Variants in DENND1A observed in about 807,000 individuals in gnomAD.
DENND1A encodes the protein DENN domain-containing protein 1A.
Under a neutral mutation model 113.7 loss-of-function variants are expected in DENND1A, and 51 were observed. That is an observed-to-expected ratio of 0.45 (90% CI 0.36 to 0.57). The LOEUF (loss-of-function observed/expected upper bound fraction) is 0.57. DENND1A is among the 20% of genes least tolerant of loss of function. DENND1A has a pLI of 0.00. For synonymous variants in DENND1A, 565 were observed against 570.8 expected, an observed-to-expected ratio of 0.99 and a Z score of 0.14; for missense variants, 1,258 against 1,395.9, an observed-to-expected ratio of 0.90 and a Z score of 1.57.
At chr9:123,486,074 G>C (rs2050836416) in intron 13 of DENND1A, among the ~76,000 whole-genome samples, 1 of 152,190 alleles carries the variant, frequency 6.6e-6, no homozygotes, top group Admixed American at 6.5e-5. Context: ...GAAGAGAAGA[G>C]ATCGATGGAT....
intron 3 of DENND1A, among the ~76,000 whole-genome samples, chr9:123,787,848 A>T (rs1366734847): frequency 6.6e-6 from 1 of 152,208 alleles, no homozygotes; most frequent in East Asian, 1.9e-4. Context: ...TACAAGAAAC[A>T]CTGTTAGTTT....
chr9:123,877,080 A>C (rs552084077), intron 2 of DENND1A, among the ~76,000 whole-genome samples: 9 of 152,304 alleles, frequency 5.9e-5, no homozygotes, highest in African/African-American at 1.7e-4. Flanking sequence ...AAATTACTTA[A>C]TGGGTACAAT....
At chr9:123,643,450 T>C (rs1360835522) in intron 9 of DENND1A, among the ~76,000 whole-genome samples, 2 of 152,246 alleles carry the variant, frequency 1.3e-5, no homozygotes, top group Non-Finnish European at 2.9e-5. Context: ...TAACTGGATA[T>C]TCTTAGTTGT....
chr9:123,737,023 T>C (rs1193750956), intron 5 of DENND1A, among the ~76,000 whole-genome samples: 1 of 152,226 alleles, frequency 6.6e-6, no homozygotes, highest in East Asian at 1.9e-4. Flanking sequence ...TTCGGTATTT[T>C]TTAAGACAAA....
At chr9:123,605,813 T>C (rs1427862517) in intron 11 of DENND1A, among the ~76,000 whole-genome samples, 2 of 152,238 alleles carry the variant, frequency 1.3e-5, no homozygotes, top group Non-Finnish European at 2.9e-5. Context: ...GTCATAAAAA[T>C]GGTTAAAAAG....
chr9:123,693,990 G>A (rs374879812), intron 5 of DENND1A, among the ~76,000 whole-genome samples: 3 of 151,276 alleles, frequency 2.0e-5, no homozygotes, highest in African/African-American at 7.3e-5. Flanking sequence ...ACCGCACCCG[G>A]CTAAATTTTG....
At chr9:123,551,401 G>A (rs978842364) in intron 13 of DENND1A, among the ~76,000 whole-genome samples, 4 of 152,138 alleles carry the variant, frequency 2.6e-5, no homozygotes, top group Admixed American at 6.5e-5. Flanking sequence ...ACGGTGCCAC[G>A]ACCTGTGCCT....
intron 13 of DENND1A, among the ~76,000 whole-genome samples, chr9:123,475,079 C>T (rs926075984): frequency 6.6e-6 from 1 of 151,968 alleles, no homozygotes; most frequent in Admixed American, 6.6e-5. Flanking sequence ...AGTGCAGTGG[C>T]CCGATCTCAG....
chr9:123,656,540 G>A (rs1309149805), intron 8 of DENND1A, among the ~76,000 whole-genome samples: 1 of 151,898 alleles, frequency 6.6e-6, no homozygotes, highest in Non-Finnish European at 1.5e-5. Flanking sequence ...GGGGAGGGAA[G>A]GAGAAAAAAA....
Position 123,381,261 on chromosome 9 carries a change from G to A in DENND1A, c.*171C>T. On this transcript the variant is annotated 3_prime_UTR_variant, in exon 24 of 24. Transcript: ENST00000394215. The surrounding 1 kb of genome is among the most constrained non-coding windows in gnomAD (Gnocchi z 4.7). ...GCTGGAACTGGTGCCATTCCCCAGG[G>A]CCAGACATCAGAGATGGGCAGTGTG... The A allele has an allele frequency of 1.5e-6, 1 of 664,280 alleles. No homozygotes were observed. Among genetic ancestry groups the A allele is most frequent in the Middle Eastern group, 4.1e-4 (1 of 2,422 alleles). 41.1% of individuals were successfully genotyped at this position (664,280 alleles called of 1,614,324 possible). A position where few individuals can be genotyped will look rare whatever the true frequency, so the allele number is the denominator to read the frequency against.
intron 18 of DENND1A, among the ~76,000 whole-genome samples, chr9:123,447,091 T>C (rs1222634964): frequency 1.3e-5 from 2 of 152,202 alleles, no homozygotes; most frequent in Non-Finnish European, 2.9e-5. Context: ...TTGACAGTCA[T>C]GAGCCCATCC....
rs74870565 is a variant in DENND1A, at chr9:123,530,727, C to T, written c.993+26843G>A. ...CTTTATCTGCAGGGGATGTGTTCCA[C>T]GACCCTCAGTGTATACCTGAAACTG... On this transcript the variant is annotated intron_variant, in intron 13 of 23. Coordinates refer to ENST00000394215, the MANE Select transcript of DENND1A (RefSeq NM_001352964.2). Among the ~76,000 whole-genome samples the T allele has an allele frequency of 4.6e-5, 7 of 152,238 alleles. No homozygotes were observed. In the South Asian group the frequency reaches 6.2e-4, roughly 14 times the overall value.
chr9:123,686,257 GAAGT>G (rs755608944), intron 5 of DENND1A, among the ~76,000 whole-genome samples: 1 of 152,212 alleles, frequency 6.6e-6, no homozygotes, highest in Non-Finnish European at 1.5e-5. Flanking sequence ...GTAGAGAAAT[GAAGT>G]AATTTCCCTA....
chr9:123,642,896 TG>T (rs2062103648), intron 9 of DENND1A, among the ~76,000 whole-genome samples: 2 of 152,228 alleles, frequency 1.3e-5, no homozygotes. Context: ...TCACACAGGC[TG>T]GCGTCAACAT....
At chr9:123,781,907 T>C (rs1157902995) in intron 3 of DENND1A, among the ~76,000 whole-genome samples, 1 of 151,954 alleles carries the variant, frequency 6.6e-6, no homozygotes, top group Non-Finnish European at 1.5e-5. Flanking sequence ...CTGTCTCTAC[T>C]AAAAATTCAA....
At chr9:123,560,863 G>A (rs1436317868) in intron 12 of DENND1A, among the ~76,000 whole-genome samples, 1 of 151,998 alleles carries the variant, frequency 6.6e-6, no homozygotes, top group African/African-American at 2.4e-5. Context: ...CCCTTATCAA[G>A]GACACATAAG....
chr9:123,449,718 T>C (rs1380645561), intron 18 of DENND1A, among the ~76,000 whole-genome samples: 1 of 152,180 alleles, frequency 6.6e-6, no homozygotes, highest in Admixed American at 6.5e-5. Context: ...TTGGAGACTC[T>C]TATTCTAAGT....
Position 123,419,730 on chromosome 9 carries a change from G to A in DENND1A, c.1489-7901C>T, listed in dbSNP as rs541837292. On this transcript the variant is annotated intron_variant, in intron 19 of 23. Transcript: ENST00000394215. The stretch of plus-strand genomic sequence containing the variant: ...CTGCTTTTGATATGCCTCCAAAAAG[G>A]AGTGCATTGAAGCGATATTTTTGTG... Among the ~76,000 whole-genome samples, 16 of 152,374 alleles carry A rather than the reference G, an allele frequency of 1.1e-4. No individual in the cohort carries two copies. The South Asian group carries it at 2.9e-3, about 28-fold the overall frequency.
chr9:123,745,781 T>C (rs1367045426), intron 5 of DENND1A, among the ~76,000 whole-genome samples: 1 of 152,212 alleles, frequency 6.6e-6, no homozygotes, highest in Non-Finnish European at 1.5e-5. Context: ...ACAATGGAGA[T>C]AATTTCATAA....
Sources: allele counts gnomAD v4.1 joint callset (sites outside exome capture counted in the v4.1 genomes callset), GRCh38; gene constraint gnomAD v4.1.1; non-coding constraint Gnocchi (gnomAD v3.1); transcripts MANE v1.5; gene names NCBI Gene and HGNC (gene_info 2026-07-23, HGNC 2026-07-21).